SPMIP4: variants seen among roughly 807,000 people sequenced by gnomAD.
SPMIP4 encodes the protein sperm-associated microtubule inner protein 4.
the SPMIP4 span, among the ~76,000 whole-genome samples, chr7:25,130,474 G>A: frequency 4.0e-5 from 6 of 151,732 alleles, no homozygotes; most frequent in Admixed American, 2.6e-4. Flanking sequence ...CACCATGCCC[G>A]GCTAATTTTT....
the SPMIP4 span, among the ~76,000 whole-genome samples, chr7:25,176,693 G>A: frequency 4.7e-4 from 71 of 152,164 alleles, no homozygotes; most frequent in Admixed American, 3.3e-4. The surrounding 1 kb of genome is among the most constrained non-coding windows in gnomAD (Gnocchi z 4.4). Flanking sequence ...GAAATATAGA[G>A]GGCTTCTTTC....
chr7:25,165,442 T>C, the SPMIP4 span, among the ~76,000 whole-genome samples: 1 of 152,226 alleles, frequency 6.6e-6, no homozygotes, highest in South Asian at 2.1e-4. Flanking sequence ...TTTTCATTTG[T>C]ATGAAAATTG....
At chr7:25,179,970 C>G in the SPMIP4 span, 1 of 152,536 alleles carries the variant, frequency 6.6e-6, no homozygotes, top group East Asian at 1.9e-4. Context: ...TCTGGACATA[C>G]CTGGGACATG....
chr7:25,142,282 C>T, the SPMIP4 span: 1 of 1,613,410 alleles, frequency 6.2e-7, no homozygotes, highest in Non-Finnish European at 8.5e-7. Flanking sequence ...AACTCTGCTA[C>T]CATCTTTTCA....
the SPMIP4 span, among the ~76,000 whole-genome samples, chr7:25,132,143 A>G: frequency 6.6e-6 from 1 of 152,164 alleles, no homozygotes; most frequent in Non-Finnish European, 1.5e-5. This position sits in a 1 kb window ranked among gnomAD's most constrained non-coding sequence, Gnocchi z 5.0. Flanking sequence ...TATCCCGATC[A>G]TTGTCCCTCC....
At chr7:25,143,892 C>T in the SPMIP4 span, among the ~76,000 whole-genome samples, 122 of 152,234 alleles carry the variant, frequency 8.0e-4, no homozygotes, top group African/African-American at 2.7e-3. Flanking sequence ...CTACCATGCT[C>T]GACCATGAGA....
At chr7:25,167,142 A>G in the SPMIP4 span, among the ~76,000 whole-genome samples, 1 of 152,250 alleles carries the variant, frequency 6.6e-6, no homozygotes, top group Non-Finnish European at 1.5e-5. Context: ...TGTAAATTCC[A>G]TACAGAGCTA....
At chr7:25,172,254 T>C in the SPMIP4 span, among the ~76,000 whole-genome samples, 1 of 152,062 alleles carries the variant, frequency 6.6e-6, no homozygotes, top group Non-Finnish European at 1.5e-5. The surrounding 1 kb of genome is among the most constrained non-coding windows in gnomAD (Gnocchi z 4.2). Context: ...AAGCTCAGAC[T>C]GATTAAACTG....
At chr7:25,148,789 T>C in the SPMIP4 span, among the ~76,000 whole-genome samples, 1 of 152,196 alleles carries the variant, frequency 6.6e-6, no homozygotes, top group African/African-American at 2.4e-5. Context: ...GCCATCTCTT[T>C]TTCTTTTGTT....
At chr7:25,171,991 T>TG in the SPMIP4 span, among the ~76,000 whole-genome samples, 1 of 152,134 alleles carries the variant, frequency 6.6e-6, no homozygotes, top group Non-Finnish European at 1.5e-5. Context: ...GAAGGATTCT[T>TG]GCGGGAAATC....
the SPMIP4 span, among the ~76,000 whole-genome samples, chr7:25,128,415 T>C: frequency 6.6e-6 from 1 of 152,136 alleles, no homozygotes; most frequent in African/African-American, 2.4e-5. The surrounding 1 kb of genome is among the most constrained non-coding windows in gnomAD (Gnocchi z 4.5). Context: ...AACCACAAGA[T>C]AAAGTTATTC....
At chr7:25,142,395 C>A in the SPMIP4 span, 1 of 1,210,802 alleles carries the variant, frequency 8.3e-7, no homozygotes. Context: ...TTATATTACC[C>A]TTTATAGGAA....
chr7:25,162,433 T>A, the SPMIP4 span, among the ~76,000 whole-genome samples: 1 of 151,614 alleles, frequency 6.6e-6, no homozygotes, highest in Non-Finnish European at 1.5e-5. Flanking sequence ...TTCCAGAACA[T>A]AAAGAACCAA....
chr7:25,151,343 T>A, the SPMIP4 span, among the ~76,000 whole-genome samples: 3 of 151,780 alleles, frequency 2.0e-5, no homozygotes, highest in East Asian at 1.9e-4. Flanking sequence ...TGCCTCAGCC[T>A]CCCGAGTAGC....
At chr7:25,133,306 A>T in the SPMIP4 span, among the ~76,000 whole-genome samples, 6 of 152,194 alleles carry the variant, frequency 3.9e-5, no homozygotes, top group Non-Finnish European at 1.5e-5. Context: ...CTAGATGTTA[A>T]AGAGGTTGCC....
At chr7:25,164,466 A>G in the SPMIP4 span, among the ~76,000 whole-genome samples, 1 of 152,172 alleles carries the variant, frequency 6.6e-6, no homozygotes, top group Non-Finnish European at 1.5e-5. Flanking sequence ...TTAATGAAAC[A>G]CTATAGCAGC....
At chr7:25,169,077 C>T in the SPMIP4 span, among the ~76,000 whole-genome samples, 6 of 151,590 alleles carry the variant, frequency 4.0e-5, no homozygotes, top group African/African-American at 1.5e-4. Context: ...TCACTTGCCA[C>T]ACAATTCATC....
At chr7:25,171,236 A>T in the SPMIP4 span, among the ~76,000 whole-genome samples, 2 of 152,170 alleles carry the variant, frequency 1.3e-5, no homozygotes, top group African/African-American at 4.8e-5. Context: ...GGTAGCTCAG[A>T]TGATTTACTC....
At chr7:25,177,855 A>G in the SPMIP4 span, among the ~76,000 whole-genome samples, 4 of 152,156 alleles carry the variant, frequency 2.6e-5, no homozygotes, top group African/African-American at 9.7e-5. Context: ...GGTTCATTAT[A>G]CAGGTAAATT....
Sources: gnomAD v4.1 joint callset for allele counts (sites outside exome capture counted in the v4.1 genomes callset) on GRCh38, gnomAD v4.1.1 for gene constraint, Gnocchi (gnomAD v3.1) non-coding constraint, MANE v1.5 for transcripts, NCBI Gene and HGNC (gene_info 2026-07-23, HGNC 2026-07-21) for gene names.